Variants in CCDC187 observed in about 807,000 individuals in gnomAD.
CCDC187 encodes the protein coiled-coil domain-containing protein 187.
In CCDC187, 32 loss-of-function variants were observed where a neutral mutation model predicts 38.0. The observed-to-expected ratio is 0.84, with a 90% confidence interval of 0.64 to 1.13. The LOEUF (loss-of-function observed/expected upper bound fraction) is 1.13, where lower values mean the gene tolerates loss of function less well. Ranked by LOEUF, CCDC187 falls within the 50% of genes most tolerant of loss-of-function variation. The pLI, the probability that CCDC187 is intolerant of heterozygous loss-of-function variation, is 0.00. For synonymous variants in CCDC187, 333 were observed against 347.9 expected (o/e 0.96, Z 0.48); for missense variants, 707 against 786.8 (o/e 0.90, Z 1.21).
At position 136,259,450 on chromosome 9, in the gene CCDC187, T is replaced by C; in HGVS notation, c.4211-2A>G. On this transcript the variant is annotated splice_acceptor_variant, in intron 20 of 25. Coordinates refer to ENST00000638797, the MANE Select transcript of CCDC187 (RefSeq NM_001378188.1). LOFTEE classifies it high-confidence loss of function. ...GGGCCCGAGGCTGCTCCCCAGGCTC[T>C]GAAAGACACAATCCCAGGAGTCACC... is the stretch of plus-strand genomic sequence containing the variant. 1.0e-6 allele frequency: 1 copy of C among 983,538 alleles called. No individual in the cohort carries two copies. Among genetic ancestry groups the C allele is most frequent in the Non-Finnish European group, 1.2e-6 (1 of 829,902 alleles). 60.9% of individuals were successfully genotyped at this position (983,538 alleles called of 1,614,324 possible). A position where few individuals can be genotyped will look rare whatever the true frequency, so the allele number is the denominator to read the frequency against.
intron 10 of CCDC187, among the ~76,000 whole-genome samples, chr9:136,279,871 G>A (rs1382157514): frequency 1.3e-5 from 2 of 152,254 alleles, no homozygotes; most frequent in Non-Finnish European, 2.9e-5. Flanking sequence ...TGCCATCATT[G>A]TGGGTGCAGG....
At chr9:136,282,839 G>A (rs1831079351) in intron 9 of CCDC187, among the ~76,000 whole-genome samples, 1 of 152,264 alleles carries the variant, frequency 6.6e-6, no homozygotes, top group Non-Finnish European at 1.5e-5. Context: ...TGGCACCTGG[G>A]AGCACAGGCC....
chr9:136,287,452 G>A (rs1831208711), intron 7 of CCDC187, among the ~76,000 whole-genome samples: 1 of 152,138 alleles, frequency 6.6e-6, no homozygotes, highest in Non-Finnish European at 1.5e-5. Context: ...ACAATGAGAC[G>A]CCAGAGTCCT....
chr9:136,259,340 G>C (rs1450581367), intron 21 of CCDC187, 23 bp downstream of exon 21: 3 of 980,334 alleles, frequency 3.1e-6, no homozygotes, highest in Non-Finnish European at 3.6e-6. Context: ...GCTGGGGAAA[G>C]GGCTTCCAGG....
At chr9:136,305,020 C>A (rs1172544257), upstream of CCDC187, among the ~76,000 whole-genome samples, 1 of 152,232 alleles carries the variant, frequency 6.6e-6, no homozygotes, top group Non-Finnish European at 1.5e-5. Flanking sequence ...AGGCACGGGG[C>A]CCAGGGGAGA....
chr9:136,263,117 T>C (rs934391864), intron 18 of CCDC187, among the ~76,000 whole-genome samples: 2 of 148,624 alleles, frequency 1.3e-5, no homozygotes, highest in South Asian at 4.3e-4. Flanking sequence ...CTGGCTCTGC[T>C]CTAGGGCCTG....
intron 10 of CCDC187, among the ~76,000 whole-genome samples, chr9:136,277,447 GGGGTGGGCGGGTGCTGACA>G (rs1180087415): frequency 9.2e-5 from 9 of 97,370 alleles, no homozygotes; most frequent in African/African-American, 3.2e-4. Context: ...GGGTGCAGAT[GGGGTGGGCGGGTGCTGACA>G]GGGTGGGTGG....
Position 136,293,435 on chromosome 9 carries a change from TCA to T in CCDC187, c.833-1142_833-1141del, listed in dbSNP as rs1305905535. Among the ~76,000 whole-genome samples the T allele has an allele frequency of 5.1e-4, 24 of 46,930 alleles. 1 individual carries two copies. Among genetic ancestry groups the T allele is most frequent in the East Asian group, 8.7e-4 (1 of 1,156 alleles). 30.8% of individuals were successfully genotyped at this position (46,930 alleles called of 152,430 possible). On this transcript the variant is annotated intron_variant, in intron 4 of 25. Transcript: ENST00000638797. ...CACATGCTCACATACTCTCACATGC[TCA>T]CACACTCACACATGCTCACACTCAC...
chr9:136,294,213 C>T (rs1831477238), intron 4 of CCDC187, among the ~76,000 whole-genome samples: 1 of 150,076 alleles, frequency 6.7e-6, no homozygotes, highest in South Asian at 2.1e-4. Flanking sequence ...CACACACACT[C>T]ACACGCTCAT....
chr9:136,291,868 C>T (rs1831340069), intron 5 of CCDC187, among the ~76,000 whole-genome samples: 1 of 152,230 alleles, frequency 6.6e-6, no homozygotes, highest in Non-Finnish European at 1.5e-5. Flanking sequence ...GAGCCCCTGC[C>T]GGCTCCCATC....
At chr9:136,281,267 G>A (rs976925215) in intron 10 of CCDC187, 1 of 397,672 alleles carries the variant, frequency 2.5e-6, no homozygotes, top group Non-Finnish European at 4.4e-6. Context: ...CGCCCTAGGA[G>A]GTGGGCTGGG....
In CCDC187 at chr9:136,291,102, G is replaced by A; in HGVS notation, c.1511C>T (p.Ala504Val). 1 of 398,546 alleles carries A rather than the reference G, an allele frequency of 2.5e-6. No individual in the cohort carries two copies. The highest frequency in any genetic ancestry group is 2.1e-5 in the African/African-American group (1 of 48,700). The allele number at this position is 398,546 out of a possible 1,614,324, so 24.7% of individuals were successfully genotyped here. Reference sequence around the variant, plus strand: ...GGGGCCCTGTCTTTGGGCCCCCCAGGCCCTCTGCGGACTGCAGGCCTGCCC... The same window carrying A: ...GGGGCCCTGTCTTTGGGCCCCCCAGACCCTCTGCGGACTGCAGGCCTGCCC... The part of the protein sequence containing the change: ...LAGQACSPQR[A>V]WGAQRQGPSS... Residue 504 changes from alanine (A) to valine (V), a missense_variant, in exon 6 of 26, where the codon GCC becomes GTC. Transcript: ENST00000638797.
rs1830585336 is a variant in CCDC187 at position 136,254,263 on chromosome 9, C to A, written c.5565G>T (p.Gly1855=). 2 of 984,604 alleles carry A rather than the reference C, an allele frequency of 2.0e-6. No homozygotes were observed. The highest frequency in any genetic ancestry group is 2.4e-6 in the Non-Finnish European group (2 of 829,256). The allele number at this position is 984,604 out of a possible 1,614,324, so 61.0% of individuals were successfully genotyped here. A position where few individuals can be genotyped will look rare whatever the true frequency, so the allele number is the denominator to read the frequency against. The change falls in exon 26 of 26, where the codon GGG becomes GGT. Residue 1855 remains glycine, a synonymous_variant. Transcript: ENST00000638797. ...GGAGGGCTTCTCCTGTGTCTGACAC[C>A]CCCATCAGGCTCTCGCTGGTCCCAG... ...EASGTSESLM[G]VSDTGEALQA... is the part of the protein sequence containing the mutation.
intron 7 of CCDC187, among the ~76,000 whole-genome samples, chr9:136,288,455 G>A (rs1012267442): frequency 6.6e-6 from 1 of 152,178 alleles, no homozygotes; most frequent in Non-Finnish European, 1.5e-5. Context: ...GGACGCTCTG[G>A]TGGGTGGGAG....
intron 17 of CCDC187, among the ~76,000 whole-genome samples, chr9:136,265,047 G>T (rs2131156097): frequency 6.6e-6 from 1 of 152,304 alleles, no homozygotes; most frequent in African/African-American, 2.4e-5. Context: ...GCCTCACCCA[G>T]CCAGGTTCTT....
Position 136,286,221 on chromosome 9 carries a change from C to T in CCDC187, c.2697G>A (p.Gly899=), listed in dbSNP as rs931666822. The change falls in exon 8 of 26, where the codon GGG becomes GGA. Residue 899 remains glycine, a synonymous_variant. Coordinates refer to ENST00000638797, the MANE Select transcript of CCDC187 (RefSeq NM_001378188.1). ...LGPNWGRGAP[G]EWVSMQPQPL... ...GCTGGGGCTGCATGCTCACCCACTC[C>T]CCAGGTGCCCCTCTGCCCCAGTTGG... The T allele has an allele frequency of 2.5e-6, 1 of 398,528 alleles. No individual in the cohort carries two copies. Among genetic ancestry groups the T allele is most frequent in the Admixed American group, 4.4e-5 (1 of 22,734 alleles). 24.7% of individuals were successfully genotyped at this position (398,528 alleles called of 1,614,324 possible). A position where few individuals can be genotyped will look rare whatever the true frequency, so the allele number is the denominator to read the frequency against.
intron 14 of CCDC187, among the ~76,000 whole-genome samples, chr9:136,274,109 C>T (rs1302074514): frequency 6.6e-6 from 1 of 152,200 alleles, no homozygotes; most frequent in African/African-American, 2.4e-5. Flanking sequence ...GGGCCTGGAA[C>T]CAGGGAGGGG....
chr9:136,259,109 G>T (rs1380454346), intron 21 of CCDC187, 108 bp from the exon 22 acceptor site: 7 of 880,042 alleles, frequency 8.0e-6, no homozygotes, highest in Middle Eastern at 5.7e-4. Flanking sequence ...GACTGGGGTG[G>T]ATGGGGACAG....
rs1422430738 is a variant in CCDC187, at chr9:136,286,381, T to C, written c.2537A>G (p.Gln846Arg). ...GACGGTGTCCAGCGCTTCGGCACCC[T>C]GCAGCTTGGCGGTGAGGCTATCGAC... ...QRVDSLTAKL[Q>R]GAEALDTVRD... Residue 846 changes from glutamine to arginine, a missense_variant, in exon 8 of 26, where the codon CAG (glutamine) becomes CGG (arginine). Gln to Arg is a conservative substitution (Grantham distance 43). Coordinates refer to ENST00000638797, the MANE Select transcript of CCDC187 (RefSeq NM_001378188.1). 4 of 398,588 alleles carry C rather than the reference T, an allele frequency of 1.0e-5. No individual in the cohort carries two copies. Among genetic ancestry groups the C allele is most frequent in the African/African-American group, 2.1e-5 (1 of 48,660 alleles). 24.7% of individuals were successfully genotyped at this position (398,588 alleles called of 1,614,324 possible). A position where few individuals can be genotyped will look rare whatever the true frequency, so the allele number is the denominator to read the frequency against.
Sources: allele counts gnomAD v4.1 joint callset (sites outside exome capture counted in the v4.1 genomes callset), GRCh38; gene constraint gnomAD v4.1.1; transcripts MANE v1.5; gene names NCBI Gene and HGNC (gene_info 2026-07-23, HGNC 2026-07-21).